PDK3: variants seen among roughly 807,000 people sequenced by gnomAD.
PDK3 encodes pyruvate dehydrogenase kinase, isozyme 3.
In PDK3, 12 loss-of-function variants were observed where a neutral mutation model predicts 32.0. The ratio of observed to expected loss-of-function variants is 0.37; its 90% CI spans 0.24 to 0.61. The LOEUF (loss-of-function observed/expected upper bound fraction) is 0.61, where lower values mean the gene tolerates loss of function less well. PDK3 is among the 20% of genes least tolerant of loss of function. The probability of loss-of-function intolerance (pLI) is 0.65; values close to 1 mark genes in which losing one functional copy is unlikely to be tolerated. For synonymous variants in PDK3, 122 were observed against 116.3 expected (o/e 1.05, Z -0.31); for missense variants, 188 against 316.9 (o/e 0.59, Z 3.09).
intron 3 of PDK3, among the ~76,000 whole-genome samples, chrX:24,501,338 A>G (rs1921851252): frequency 8.9e-6 from 1 of 112,836 alleles, no homozygotes; most frequent in Admixed American, 9.4e-5. Flanking sequence ...TAGTTCATGC[A>G]ATTTGATCTT....
chrX:24,536,193 G>A (rs1011453236), downstream of PDK3, among the ~76,000 whole-genome samples: 1 of 111,253 alleles, frequency 9.0e-6, no homozygotes, highest in Admixed American at 9.5e-5. Context: ...TGATCCCTCT[G>A]AGTTATAGTT....
At chrX:24,550,040 T>C (rs1923069346) in exon 12 of PDK3, 2 of 112,355 alleles carry the variant, frequency 1.8e-5, no homozygotes, top group African/African-American at 6.5e-5. Flanking sequence ...AAAAGTATTA[T>C]ACATCAAATA....
At chrX:24,481,973 C>T (rs778055001) in intron 1 of PDK3, among the ~76,000 whole-genome samples, 2 of 112,050 alleles carry the variant, frequency 1.8e-5, no homozygotes, top group East Asian at 5.6e-4. Flanking sequence ...GGTATAACAT[C>T]TTGGCCACCT....
At chrX:24,523,345 A>G (rs1313722819) in intron 6 of PDK3, among the ~76,000 whole-genome samples, 1 of 112,536 alleles carries the variant, frequency 8.9e-6, no homozygotes, top group Non-Finnish European at 1.9e-5. Flanking sequence ...GGAGACACAC[A>G]CAAACATTCC....
At chrX:24,548,499 G>T (rs1203967705) in exon 12 of PDK3, 2 of 111,952 alleles carry the variant, frequency 1.8e-5, no homozygotes, top group Non-Finnish European at 1.9e-5. Context: ...TTTTGCAAAT[G>T]GGTCAAAACA....
At chrX:24,525,257 TG>T (rs1339116328) in intron 6 of PDK3, among the ~76,000 whole-genome samples, 1 of 111,866 alleles carries the variant, frequency 8.9e-6, no homozygotes, top group Non-Finnish European at 1.9e-5. Context: ...GTGCCACTTC[TG>T]GGACCACGGG....
At chrX:24,471,203 T>A (rs900537749) in intron 1 of PDK3, among the ~76,000 whole-genome samples, 4 of 111,823 alleles carry the variant, frequency 3.6e-5, no homozygotes, top group Admixed American at 9.5e-5. Flanking sequence ...TAAAGTATAA[T>A]AAAAAAAATT....
intron 6 of PDK3, 75 bp from the exon 7 acceptor site, chrX:24,526,123 T>C (rs960156945): frequency 1.7e-4 from 130 of 760,688 alleles, no homozygotes; most frequent in Non-Finnish European, 2.3e-4. Flanking sequence ...ACTTGGAAAA[T>C]AGAATGCAAA....
chrX:24,520,407 T>C (rs780885822), intron 6 of PDK3, among the ~76,000 whole-genome samples: 1 of 112,079 alleles, frequency 8.9e-6, no homozygotes, highest in Non-Finnish European at 1.9e-5. Flanking sequence ...ATTGAGATTT[T>C]TAAAAAAATA....
downstream of PDK3, among the ~76,000 whole-genome samples, chrX:24,535,922 AAAAG>A (rs1337537680): frequency 2.9e-5 from 3 of 104,732 alleles, no homozygotes; most frequent in Non-Finnish European, 5.9e-5. Flanking sequence ...AAAAAGAAAG[AAAAG>A]AAGGAAGGAA....
exon 12 of PDK3, among the ~76,000 whole-genome samples, chrX:24,542,005 T>C (rs1225796839): frequency 8.9e-6 from 1 of 112,260 alleles, no homozygotes; most frequent in East Asian, 2.8e-4. Flanking sequence ...AAATAGTAGG[T>C]GAATCAAAGA....
intron 5 of PDK3, among the ~76,000 whole-genome samples, chrX:24,507,365 A>C (rs1406519691): frequency 8.9e-6 from 1 of 112,604 alleles, no homozygotes. Context: ...TTTATGGCTG[A>C]AAAATATTCC....
chrX:24,481,334 T>G lies in PDK3; in HGVS notation c.107-13408T>G, dbSNP rs759517159. Among the ~76,000 whole-genome samples the G allele has an allele frequency of 1.9e-4, 21 of 112,385 alleles. No homozygotes were observed. In the East Asian group the frequency reaches 4.2e-3, roughly 22 times the overall value. ...GCGTGAGCCACCGCGCCTGGCCCCT[T>G]TTTCTTGACTTCCACCTTTTTTCCT... On this transcript the variant is annotated intron_variant, in intron 1 of 10. Coordinates refer to ENST00000379162, the MANE Select transcript of PDK3 (RefSeq NM_005391.5).
At chrX:24,531,853 A>G in intron 10 of PDK3, 83 bp downstream of exon 10, 3 of 472,437 alleles carry the variant, frequency 6.4e-6, no homozygotes, top group South Asian at 4.2e-5. Context: ...ACAGCACTGT[A>G]TCATCTCTTA....
chrX:24,537,484 T>C (rs185324349), downstream of PDK3, among the ~76,000 whole-genome samples: 13 of 109,576 alleles, frequency 1.2e-4, no homozygotes, highest in African/African-American at 3.0e-4. Flanking sequence ...TTGGGGATGC[T>C]TGTTATACCT....
chrX:24,470,687 C>CAAAAAAAAAAAA (rs58511156), intron 1 of PDK3, among the ~76,000 whole-genome samples: 2 of 26,272 alleles, frequency 7.6e-5, no homozygotes, highest in Non-Finnish European at 1.5e-4. Context: ...AACGGCATCT[C>CAAAAAAAAAAAA]AAAAAAAAAA....
chrX:24,490,440 C>T (rs1386621727), intron 1 of PDK3, among the ~76,000 whole-genome samples: 2 of 103,913 alleles, frequency 1.9e-5, no homozygotes, highest in African/African-American at 3.6e-5. Context: ...CCTTTGTCAT[C>T]GAACTTCAGC....
At chrX:24,521,302 T>C (rs867537057) in intron 6 of PDK3, among the ~76,000 whole-genome samples, 1 of 91,346 alleles carries the variant, frequency 1.1e-5, no homozygotes, top group South Asian at 5.6e-4. Context: ...AAAAAAAAGA[T>C]AAACCAAATT....
At chrX:24,500,059 C>T (rs573585486) in intron 3 of PDK3, among the ~76,000 whole-genome samples, 3 of 111,470 alleles carry the variant, frequency 2.7e-5, no homozygotes, top group African/African-American at 9.8e-5. Context: ...AATCCTAAAA[C>T]CTAGGGCTGA....
Sources: gnomAD v4.1 joint callset for allele counts (sites outside exome capture counted in the v4.1 genomes callset) on GRCh38, gnomAD v4.1.1 for gene constraint, MANE v1.5 for transcripts, NCBI Gene and HGNC (gene_info 2026-07-23, HGNC 2026-07-21) for gene names.